Variants in PRORP observed in about 807,000 individuals in gnomAD.
PRORP encodes protein only RNase P catalytic subunit.
A neutral mutation model predicts 59.4 loss-of-function variants in PRORP; 51 were observed. That is an observed-to-expected ratio of 0.86 (90% CI 0.69 to 1.08). PRORP has a LOEUF of 1.08. Among genes scored for constraint, PRORP ranks in the 50% least tolerant of loss-of-function variants. The pLI is 0.00. For synonymous variants in PRORP, 231 were observed against 245.6 expected, an observed-to-expected ratio of 0.94 and a Z score of 0.55; for missense variants, 646 against 690.3, an observed-to-expected ratio of 0.94 and a Z score of 0.72.
chr14:35,262,130 A>C (rs556081814), intron 5 of PRORP, among the ~76,000 whole-genome samples: 21 of 152,116 alleles, frequency 1.4e-4, no homozygotes, highest in Non-Finnish European at 2.8e-4. Context: ...AAACTTAAGC[A>C]ATCAGTATCA....
At chr14:35,150,910 A>G (rs574630940) in intron 4 of PRORP, among the ~76,000 whole-genome samples, 3 of 152,302 alleles carry the variant, frequency 2.0e-5, no homozygotes, top group African/African-American at 7.2e-5. Flanking sequence ...GGGAGTGTGC[A>G]AAGGAGATAC....
intron 4 of PRORP, among the ~76,000 whole-genome samples, chr14:35,161,947 A>T (rs1219691659): frequency 6.6e-6 from 1 of 152,080 alleles, no homozygotes; most frequent in African/African-American, 2.4e-5. Context: ...ATGATTGAGA[A>T]TTTTTTAGGG....
At chr14:35,158,230 C>A in intron 4 of PRORP, 1 of 253,454 alleles carries the variant, frequency 3.9e-6, no homozygotes, top group South Asian at 1.4e-4. Flanking sequence ...TATTTGTTAT[C>A]AACTCCATTA....
At chr14:35,178,571 C>CT (rs895599626) in intron 4 of PRORP, among the ~76,000 whole-genome samples, 9 of 152,006 alleles carry the variant, frequency 5.9e-5, no homozygotes, top group African/African-American at 2.2e-4. Context: ...CAACCTCTGC[C>CT]TTTTTTTGTT....
intron 5 of PRORP, among the ~76,000 whole-genome samples, chr14:35,260,163 C>A (rs2050868599): frequency 6.6e-6 from 1 of 151,840 alleles, no homozygotes; most frequent in South Asian, 2.1e-4. Flanking sequence ...AGGCACACAC[C>A]ACCATCCCCA....
At chr14:35,207,514 T>G (rs1389711568) in intron 5 of PRORP, among the ~76,000 whole-genome samples, 1 of 152,238 alleles carries the variant, frequency 6.6e-6, no homozygotes, top group Non-Finnish European at 1.5e-5. Flanking sequence ...CATTCCTTTT[T>G]CTACTATTCC....
chr14:35,158,143 GC>G (rs977444726), intron 4 of PRORP: 2 of 276,944 alleles, frequency 7.2e-6, no homozygotes, highest in African/African-American at 4.5e-5. Flanking sequence ...TCCATTTCCA[GC>G]TCCGTCTTCT....
intron 4 of PRORP, among the ~76,000 whole-genome samples, chr14:35,171,082 C>T (rs2138993055): frequency 6.6e-6 from 1 of 152,270 alleles, no homozygotes; most frequent in South Asian, 2.1e-4. Context: ...CTCCCGACCT[C>T]AGGTGATCCA....
intron 5 of PRORP, among the ~76,000 whole-genome samples, chr14:35,217,390 AT>A (rs2049630023): frequency 6.6e-6 from 1 of 151,340 alleles, no homozygotes; most frequent in Admixed American, 6.6e-5. Flanking sequence ...AATCCCAGCT[AT>A]TTGGGAGGCT....
intron 5 of PRORP, among the ~76,000 whole-genome samples, chr14:35,230,432 A>G (rs1001721292): frequency 6.6e-5 from 10 of 152,232 alleles, no homozygotes; most frequent in Admixed American, 5.2e-4. Flanking sequence ...ATCTACAGTT[A>G]TAGGGTCAAT....
chr14:35,230,296 C>T (rs1347084497), intron 5 of PRORP, among the ~76,000 whole-genome samples: 1 of 152,138 alleles, frequency 6.6e-6, no homozygotes, highest in African/African-American at 2.4e-5. Flanking sequence ...AAGCAATCCA[C>T]CCGCCTTGGC....
intron 5 of PRORP, among the ~76,000 whole-genome samples, chr14:35,256,532 A>G (rs550915339): frequency 1.3e-5 from 2 of 151,438 alleles, no homozygotes; most frequent in Non-Finnish European, 2.9e-5. Context: ...GGGCTTCACC[A>G]TGTTGGTCAG....
At chr14:35,243,300 G>A (rs186457991) in intron 5 of PRORP, among the ~76,000 whole-genome samples, 2 of 152,290 alleles carry the variant, frequency 1.3e-5, no homozygotes, top group African/African-American at 4.8e-5. Context: ...GGGAGGCAGA[G>A]GCAGGCAGAT....
At chr14:35,159,855 G>C (rs2048014075) in intron 4 of PRORP, among the ~76,000 whole-genome samples, 1 of 152,202 alleles carries the variant, frequency 6.6e-6, no homozygotes, top group Non-Finnish European at 1.5e-5. Flanking sequence ...AACACTTGCT[G>C]TTTAACCATA....
chr14:35,234,510 T>C (rs2050156986), intron 5 of PRORP, among the ~76,000 whole-genome samples: 1 of 152,144 alleles, frequency 6.6e-6, no homozygotes, highest in African/African-American at 2.4e-5. Flanking sequence ...AGTAAGACAC[T>C]CTTTCAAATA....
At position 35,156,959 on chromosome 14, in the gene PRORP, C is replaced by CTTTTTT. The variant is rs11370871; in HGVS notation, c.1168-23702_1168-23697dup. Among the ~76,000 whole-genome samples the CTTTTTT allele has an allele frequency of 5.1e-5, 7 of 137,040 alleles. 1 individual carries two copies. Among genetic ancestry groups the CTTTTTT allele is most frequent in the Non-Finnish European group, 7.7e-5 (5 of 65,198 alleles). 89.9% of individuals were successfully genotyped at this position (137,040 alleles called of 152,430 possible). ...AGTTCATTTTTTTCTTTTTTCTTTTCTTTTTTTTTTTTTTGAGACGGAATC... is the reference window on the plus strand; with the variant it reads ...AGTTCATTTTTTTCTTTTTTCTTTTCTTTTTTTTTTTTTTTTTTTTGAGACGGAATC... On this transcript the variant is annotated intron_variant, in intron 4 of 7. Coordinates refer to ENST00000534898, the MANE Select transcript of PRORP (RefSeq NM_014672.4).
At chr14:35,175,955 A>C (rs906157299) in intron 4 of PRORP, among the ~76,000 whole-genome samples, 1 of 152,158 alleles carries the variant, frequency 6.6e-6, no homozygotes, top group African/African-American at 2.4e-5. Flanking sequence ...AGCTTTCTAC[A>C]TATGGCTAGC....
Position 35,132,589 on chromosome 14 carries a change from A to T in PRORP, c.1167+4978A>T, listed in dbSNP as rs112427544. Among the ~76,000 whole-genome samples the T allele has an allele frequency of 6.6e-5, 10 of 152,166 alleles. No individual in the cohort carries two copies. The South Asian group carries it at 1.0e-3, about 16-fold the overall frequency. On this transcript the variant is annotated intron_variant, in intron 4 of 7. Coordinates refer to ENST00000534898, the MANE Select transcript of PRORP (RefSeq NM_014672.4). ...CACCTGAGTTTAGGAGTTTAAGACC[A>T]GCCTGGCCAACATGGTGAAACCCTG...
chr14:35,170,510 A>G (rs2048288829), intron 4 of PRORP, among the ~76,000 whole-genome samples: 1 of 152,152 alleles, frequency 6.6e-6, no homozygotes, highest in Non-Finnish European at 1.5e-5. Flanking sequence ...TACAGTTTAT[A>G]TTGAACGATT....
Sources: allele counts gnomAD v4.1 joint callset (sites outside exome capture counted in the v4.1 genomes callset), GRCh38; gene constraint gnomAD v4.1.1; transcripts MANE v1.5; gene names NCBI Gene and HGNC (gene_info 2026-07-23, HGNC 2026-07-21).